The following UBXN7 variants were observed in gnomAD, a reference collection of about 807,000 sequenced individuals.
UBXN7 encodes the protein UBX domain-containing protein 7.
A neutral mutation model predicts 58.0 loss-of-function variants in UBXN7; 9 were observed. The observed-to-expected ratio is 0.16, with a 90% CI of 0.09 to 0.27. The LOEUF is 0.27. Among genes scored for constraint, UBXN7 ranks in the 10% least tolerant of loss-of-function variants. The pLI is 1.00. For missense variants in UBXN7, 328 were observed against 599.6 expected (o/e 0.55, Z 4.73); for synonymous variants, 208 against 205.0 (o/e 1.01, Z -0.12).
intron 1 of UBXN7, among the ~76,000 whole-genome samples, chr3:196,415,216 G>A (rs924263104): frequency 3.4e-5 from 5 of 148,812 alleles, no homozygotes; most frequent in Admixed American, 1.3e-4. Context: ...GCAGTGGTGC[G>A]AATCTTGGCT....
In UBXN7 at chr3:196,353,724, TG is replaced by T. The variant is rs909809749; in HGVS notation, c.*2960del. 2.0e-5 allele frequency: 3 copies of T among 152,080 alleles called. No individual in the cohort carries two copies. Among genetic ancestry groups the T allele is most frequent in the African/African-American group, 7.2e-5 (3 of 41,412 alleles). The allele number at this position is 152,080 out of a possible 1,614,324, so 9.4% of individuals were successfully genotyped here. On this transcript the variant is annotated 3_prime_UTR_variant, in exon 11 of 11. Transcript: ENST00000296328. Reference sequence around the variant, plus strand: ...CTGGCCTCGATCTCCTGACCTTAGGTGATCTGCCCACCTCCGCCTCCCAAAG... The same window carrying T: ...CTGGCCTCGATCTCCTGACCTTAGGTATCTGCCCACCTCCGCCTCCCAAAG...
In UBXN7 at chr3:196,370,427, T is replaced by C. The variant is rs1323432333; in HGVS notation, c.616-916A>G. On this transcript the variant is annotated intron_variant, in intron 6 of 10. Transcript: ENST00000296328. ...ATGACTGCACCACTGTGTTCCGGCC[T>C]GGGTGACAGAGCAAGACCCTGTCCA... Among the ~76,000 whole-genome samples the C allele has an allele frequency of 2.7e-5, 4 of 148,134 alleles. No individual in the cohort carries two copies. In the Admixed American group the frequency reaches 2.7e-4, roughly 10 times the overall value.
At chr3:196,422,238 C>T (rs1730711605) in intron 1 of UBXN7, among the ~76,000 whole-genome samples, 1 of 152,010 alleles carries the variant, frequency 6.6e-6, no homozygotes, top group Admixed American at 6.6e-5. Flanking sequence ...TGGAGGCTCA[C>T]ACCTGTAACC....
intron 2 of UBXN7, among the ~76,000 whole-genome samples, chr3:196,406,225 G>A (rs559300229): frequency 1.3e-5 from 2 of 151,860 alleles, no homozygotes; most frequent in African/African-American, 4.8e-5. Context: ...TAGAGACAGG[G>A]TTTTGCTATA....
Position 196,347,838 on chromosome 3 carries a change from T to TCCCCCCCCCCCCTTTCCCC in UBXN7, c.*8846_*8847insGGGGAAAGGGGGGGGGGGG, listed in dbSNP as rs1577422691. The stretch of plus-strand genomic sequence containing the variant: ...AGACTTATCGTCCCACTCCCTTCCC[T>TCCCCCCCCCCCCTTTCCCC]CCCCCACCCCATTGTCCCCCCACCC... On this transcript the variant is annotated 3_prime_UTR_variant, in exon 11 of 11. Transcript: ENST00000296328. 9.5e-6 allele frequency: 1 copy of TCCCCCCCCCCCCTTTCCCC among 105,720 alleles called. No individual in the cohort carries two copies. Among genetic ancestry groups the TCCCCCCCCCCCCTTTCCCC allele is most frequent in the Non-Finnish European group, 2.0e-5 (1 of 50,868 alleles). 6.5% of individuals were successfully genotyped at this position (105,720 alleles called of 1,614,324 possible). A position where few individuals can be genotyped will look rare whatever the true frequency, so the allele number is the denominator to read the frequency against.
rs988795955 is a variant in UBXN7, at chr3:196,405,362, T to C, written c.221+1884A>G. Reference sequence around the variant, plus strand: ...GAGTGTACCAGCAGTCCCAGCTACTTAGGAGGCTGAGGCAGGAGAATCCAC... The same window carrying C: ...GAGTGTACCAGCAGTCCCAGCTACTCAGGAGGCTGAGGCAGGAGAATCCAC... On this transcript the variant is annotated intron_variant, in intron 2 of 10. Coordinates refer to ENST00000296328, the MANE Select transcript of UBXN7 (RefSeq NM_015562.2). 1.2e-4 allele frequency among the ~76,000 whole-genome samples: 18 copies of C among 150,268 alleles called. 2 individuals carry two copies. In the Middle Eastern group the frequency reaches 0.041, roughly 343 times the overall value.
chr3:196,396,576 C>T (rs2108848408), intron 3 of UBXN7, among the ~76,000 whole-genome samples: 1 of 152,070 alleles, frequency 6.6e-6, no homozygotes, highest in Admixed American at 6.6e-5. Flanking sequence ...TACTGGCTAA[C>T]ACGGTGAAAC....
At chr3:196,426,734 G>A (rs1730862346) in intron 1 of UBXN7, among the ~76,000 whole-genome samples, 1 of 151,870 alleles carries the variant, frequency 6.6e-6, no homozygotes, top group South Asian at 2.1e-4. Flanking sequence ...TGTAATCCCA[G>A]CTACTCAGGA....
At chr3:196,382,170 C>A (rs1420403891) in intron 5 of UBXN7, among the ~76,000 whole-genome samples, 4 of 152,090 alleles carry the variant, frequency 2.6e-5, no homozygotes, top group Non-Finnish European at 5.9e-5. Flanking sequence ...AGAAAAGCAA[C>A]CCCAAGACAC....
intron 5 of UBXN7, among the ~76,000 whole-genome samples, chr3:196,385,851 C>G (rs968181500): frequency 2.6e-5 from 4 of 152,164 alleles, no homozygotes; most frequent in African/African-American, 9.6e-5. Context: ...AGCCCCTCTG[C>G]CCGGCCGCCA....
intron 1 of UBXN7, among the ~76,000 whole-genome samples, chr3:196,412,214 G>C (rs1460871613): frequency 1.6e-5 from 2 of 122,370 alleles, no homozygotes; most frequent in Non-Finnish European, 3.2e-5. Context: ...TTGGGTGACA[G>C]AGCGAGACTT....
intron 5 of UBXN7, among the ~76,000 whole-genome samples, chr3:196,379,765 T>C (rs1729143629): frequency 6.6e-6 from 1 of 152,148 alleles, no homozygotes; most frequent in South Asian, 2.1e-4. Flanking sequence ...CCTTCTGTGA[T>C]TCGCCAGAAA....
At chr3:196,388,765 T>G (rs2108843871) in intron 5 of UBXN7, among the ~76,000 whole-genome samples, 1 of 152,324 alleles carries the variant, frequency 6.6e-6, no homozygotes, top group East Asian at 1.9e-4. Flanking sequence ...ATTTTTAACA[T>G]TTATCTTTCT....
rs549119450 is a variant in UBXN7, at chr3:196,432,403, ACCG to A, written c.-7_-5del. ...CGGAGCCCCCGTGGGCAGCCATCTT[ACCG>A]CCGCCGCCGCCGCCGAACAACAACA... On this transcript the variant is annotated 5_prime_UTR_variant, in exon 1 of 11. Coordinates refer to ENST00000296328, the MANE Select transcript of UBXN7 (RefSeq NM_015562.2). 9.0e-5 allele frequency: 142 copies of A among 1,584,600 alleles called. No individual in the cohort carries two copies. Among genetic ancestry groups the A allele is most frequent in the Middle Eastern group, 4.5e-4 (2 of 4,418 alleles).
intron 1 of UBXN7, among the ~76,000 whole-genome samples, chr3:196,409,612 G>C (rs1260196847): frequency 6.6e-6 from 1 of 152,124 alleles, no homozygotes; most frequent in African/African-American, 2.4e-5. Context: ...CTTCTGACTT[G>C]GAGGTTTTTC....
Position 196,356,685 on chromosome 3 carries a change from T to C in UBXN7, c.1470A>G (p.Ter490=), listed in dbSNP as rs773948233. The C allele has an allele frequency of 5.0e-6, 8 of 1,595,670 alleles. No individual in the cohort carries two copies. The highest frequency in any genetic ancestry group is 6.8e-6 in the Non-Finnish European group (8 of 1,175,642). The change falls in exon 11 of 11, where the codon TAA becomes TAG. Residue 490 remains the stop codon, a stop_retained_variant. Transcript: ENST00000296328. ...QETVFVQERN[*] ...AGCTGAGAGAGGTCAAGCCATGGTG[T>C]TAATTTCTTTCCTGTACAAAGACAG...
chr3:196,398,460 G>C (rs1447311808), intron 3 of UBXN7, among the ~76,000 whole-genome samples: 3 of 152,074 alleles, frequency 2.0e-5, no homozygotes, highest in African/African-American at 7.2e-5. Flanking sequence ...CTTGTTTACT[G>C]AGTAATGCAA....
chr3:196,430,765 A>T (rs953851584), intron 1 of UBXN7, among the ~76,000 whole-genome samples: 60 of 152,232 alleles, frequency 3.9e-4, no homozygotes, highest in Admixed American at 2.4e-3. Context: ...GATTCACTGC[A>T]AAGATTTTTC....
intron 1 of UBXN7, among the ~76,000 whole-genome samples, chr3:196,408,343 A>T (rs1730225168): frequency 6.6e-6 from 1 of 152,190 alleles, no homozygotes; most frequent in African/African-American, 2.4e-5. Context: ...TATTCCAGAA[A>T]CAAAAATACT....
Sources: allele counts gnomAD v4.1 joint callset (sites outside exome capture counted in the v4.1 genomes callset), GRCh38; gene constraint gnomAD v4.1.1; transcripts MANE v1.5; gene names NCBI Gene and HGNC (gene_info 2026-07-23, HGNC 2026-07-21).